Variants in CLCA2 observed in about 807,000 individuals in gnomAD.
The protein encoded by CLCA2 is chloride channel accessory 2, also known as calcium-activated chloride channel regulator 2.
Under a neutral mutation model 82.9 loss-of-function variants are expected in CLCA2, and 85 were observed. The observed-to-expected ratio is 1.03, with a 90% CI of 0.86 to 1.23. The LOEUF (loss-of-function observed/expected upper bound fraction) is 1.23. Among genes scored for constraint, CLCA2 ranks in the 50% most tolerant of loss-of-function variants. CLCA2 has a pLI of 0.00. For synonymous variants in CLCA2, 421 were observed against 391.7 expected (o/e 1.07, Z -0.88); for missense variants, 1,089 against 1,124.8 (o/e 0.97, Z 0.45).
At chr1:86,430,438 G>T (rs1570253138) in intron 3 of CLCA2, among the ~76,000 whole-genome samples, 1 of 152,228 alleles carries the variant, frequency 6.6e-6, no homozygotes, top group Middle Eastern at 3.4e-3. Flanking sequence ...GGTCTGCTTG[G>T]ATAGCTCAGA....
At chr1:86,444,487 G>A (rs924330704) in intron 10 of CLCA2, among the ~76,000 whole-genome samples, 2 of 152,178 alleles carry the variant, frequency 1.3e-5, no homozygotes, top group Non-Finnish European at 2.9e-5. Flanking sequence ...AGGGTGGAAG[G>A]AAGAATGCTT....
intron 9 of CLCA2, 24 bp downstream of exon 9, chr1:86,441,567 T>C (rs748451774): frequency 6.7e-7 from 1 of 1,498,826 alleles, no homozygotes; most frequent in African/African-American, 1.4e-5. Context: ...CAATGTTATA[T>C]TTCCAGGTGG....
At chr1:86,440,043 G>A in intron 7 of CLCA2, 105 bp from the exon 8 acceptor site, 4 of 1,079,706 alleles carry the variant, frequency 3.7e-6, no homozygotes, top group Non-Finnish European at 5.5e-6. Context: ...AGATGGGCGT[G>A]GGGTGTAGGA....
intron 11 of CLCA2, chr1:86,448,339 T>C (rs889387450): frequency 1.3e-5 from 2 of 152,864 alleles, no homozygotes; most frequent in Non-Finnish European, 2.9e-5. Flanking sequence ...CTTTTACGTG[T>C]GTAATTTGGT....
At chr1:86,452,176 C>G (rs865867503) in intron 12 of CLCA2, among the ~76,000 whole-genome samples, 44 of 43,938 alleles carry the variant, frequency 1.0e-3, no homozygotes, top group African/African-American at 3.6e-3. Context: ...AACCTGGAAG[C>G]TTTTTTTTTT....
chr1:86,444,944 G>C (rs993988500), intron 10 of CLCA2, among the ~76,000 whole-genome samples: 1 of 151,548 alleles, frequency 6.6e-6, no homozygotes, highest in African/African-American at 2.4e-5. Context: ...TCACCCAGGC[G>C]GGAGTGCAGT....
chr1:86,441,161 G>T (rs1662726653), intron 8 of CLCA2, among the ~76,000 whole-genome samples: 1 of 152,132 alleles, frequency 6.6e-6, no homozygotes, highest in Admixed American at 6.6e-5. Flanking sequence ...ACCTTAATCT[G>T]AAGACTATTC....
chr1:86,456,064 G>C lies in CLCA2; in HGVS notation c.*537G>C, dbSNP rs1346674963. 6.6e-6 allele frequency: 1 copy of C among 152,118 alleles called. No individual in the cohort carries two copies. The highest frequency in any genetic ancestry group is 1.5e-5 in the Non-Finnish European group (1 of 68,012). The allele number at this position is 152,118 out of a possible 1,614,324, so 9.4% of individuals were successfully genotyped here. On this transcript the variant is annotated 3_prime_UTR_variant, in exon 14 of 14. Coordinates refer to ENST00000370565, the MANE Select transcript of CLCA2 (RefSeq NM_006536.7). ...TGAAATCTCACTGCTAATGCTCAGA[G>C]ATCTTTTTTCACTGTAAGAGGTAAC...
intron 6 of CLCA2, 42 bp from the exon 7 acceptor site, chr1:86,438,834 A>G: frequency 3.2e-6 from 5 of 1,558,376 alleles, no homozygotes; most frequent in Non-Finnish European, 4.4e-6. Flanking sequence ...TTTGTCTACT[A>G]ACCAAATGTT....
At chr1:86,449,834 C>G (rs950349587) in intron 11 of CLCA2, among the ~76,000 whole-genome samples, 1 of 152,150 alleles carries the variant, frequency 6.6e-6, no homozygotes, top group Non-Finnish European at 1.5e-5. Context: ...GCCCTGGGGT[C>G]TAGGCCTTCC....
In CLCA2 at chr1:86,447,783, C is replaced by G. The variant is rs1373067000; in HGVS notation, c.1984+5C>G. On this transcript the variant is annotated splice_donor_5th_base_variant and intron_variant, in intron 11 of 13. Coordinates refer to ENST00000370565, the MANE Select transcript of CLCA2 (RefSeq NM_006536.7). Reference sequence around the variant, plus strand: ...GACTCCTTGATGATGGAGCAGGTAACAAGGAATGTCATGACATTTTATCAT... The same window carrying G: ...GACTCCTTGATGATGGAGCAGGTAAGAAGGAATGTCATGACATTTTATCAT... 11 of 1,608,684 alleles carry G rather than the reference C, an allele frequency of 6.8e-6. No individual in the cohort carries two copies. The highest frequency in any genetic ancestry group is 4.0e-5 in the African/African-American group (3 of 74,876).
In CLCA2 at chr1:86,424,513, C is replaced by T. The variant is rs186237353; in HGVS notation, c.186+80C>T. ...CTTATTTAGAAGCTAACTACCCTGC[C>T]TGGTTTGTATTTGAGTAATACAGAG... On this transcript the variant is annotated intron_variant, in intron 1 of 13. Transcript: ENST00000370565. 519 of 1,255,852 alleles carry T rather than the reference C, an allele frequency of 4.1e-4. 1 individual carries two copies. Among genetic ancestry groups the T allele is most frequent in the South Asian group, 2.2e-3 (145 of 65,458 alleles). 77.8% of individuals were successfully genotyped at this position (1,255,852 alleles called of 1,614,324 possible).
chr1:86,447,581 G>C lies in CLCA2; in HGVS notation c.1787G>C (p.Arg596Pro). The C allele has an allele frequency of 1.2e-6, 2 of 1,613,962 alleles. No individual in the cohort carries two copies. The highest frequency in any genetic ancestry group is 1.7e-6 in the Non-Finnish European group (2 of 1,179,960). The change falls in exon 11 of 14, where the codon CGC (arginine) becomes CCC (proline). Residue 596 changes from arginine to proline, a missense_variant. Coordinates refer to ENST00000370565, the MANE Select transcript of CLCA2 (RefSeq NM_006536.7). ...LQALKVTVTS[R>P]ASNSAVPPAT... is the part of the protein sequence containing the mutation. Reference sequence around the variant, plus strand: ...GCCCTGAAAGTGACAGTGACCTCTCGCGCCTCCAACTCAGCTGTGCCCCCA... The same window carrying C: ...GCCCTGAAAGTGACAGTGACCTCTCCCGCCTCCAACTCAGCTGTGCCCCCA...
intron 3 of CLCA2, 51 bp from the exon 4 acceptor site, chr1:86,430,811 C>A: frequency 1.5e-6 from 2 of 1,328,934 alleles, no homozygotes; most frequent in South Asian, 2.4e-5. Context: ...GTTAGCAAGG[C>A]ACATTGCTGA....
intron 1 of CLCA2, among the ~76,000 whole-genome samples, chr1:86,424,859 G>C (rs945813564): frequency 6.6e-6 from 1 of 152,188 alleles, no homozygotes; most frequent in African/African-American, 2.4e-5. Flanking sequence ...GAAAGGGTGA[G>C]AGTCTGCACG....
rs550558075 is a variant in CLCA2, at chr1:86,450,001, C to G, written c.1985-562C>G. Among the ~76,000 whole-genome samples, 210 of 152,222 alleles carry G rather than the reference C, an allele frequency of 1.4e-3. 1 individual carries two copies. The highest frequency in any genetic ancestry group is 6.8e-3 in the Middle Eastern group (2 of 294). On this transcript the variant is annotated intron_variant, in intron 11 of 13. Coordinates refer to ENST00000370565, the MANE Select transcript of CLCA2 (RefSeq NM_006536.7). Reference sequence around the variant, plus strand: ...CTGTCAAACTCCAGGTCATCAAGTCCCCTAGAATCTAGAAAAACAGTTCCA... The same window carrying G: ...CTGTCAAACTCCAGGTCATCAAGTCGCCTAGAATCTAGAAAAACAGTTCCA...
rs772635180 is a variant in CLCA2, at chr1:86,438,973, A to G, written c.1070A>G (p.Lys357Arg). Residue 357 changes from lysine to arginine, a missense_variant, in exon 7 of 14, where the codon AAA becomes AGA. Coordinates refer to ENST00000370565, the MANE Select transcript of CLCA2 (RefSeq NM_006536.7). ...GTGGGCATTGCCAGTTTCGACAGCA[A>G]AGGAGAGATCAGAGCCCAGCTACAC... The part of the protein sequence containing the change: ...TFVGIASFDS[K>R]GEIRAQLHQI... The G allele has an allele frequency of 1.5e-5, 24 of 1,614,016 alleles. No homozygotes were observed. The South Asian group carries it at 2.4e-4, about 16-fold the overall frequency.
intron 6 of CLCA2, among the ~76,000 whole-genome samples, chr1:86,437,992 C>T (rs2101699558): frequency 6.6e-6 from 1 of 152,266 alleles, no homozygotes. Context: ...AACTTACTTC[C>T]CAATATTGTA....
In CLCA2 at chr1:86,440,210, T is replaced by C; in HGVS notation, c.1266T>C (p.Asp422=). Residue 422 remains aspartate (D), a synonymous_variant, in exon 8 of 14, where the codon GAT becomes GAC. Transcript: ENST00000370565. Reference sequence around the variant, plus strand: ...TGATGATATTAGTGACCAGCGGAGATGATAAGCTTCTTGGCAATTGCTTAC... The same window carrying C: ...TGATGATATTAGTGACCAGCGGAGACGATAAGCTTCTTGGCAATTGCTTAC... ...GSVMILVTSG[D]DKLLGNCLPT... 6.2e-7 allele frequency: 1 copy of C among 1,614,162 alleles called. No individual in the cohort carries two copies. The highest frequency in any genetic ancestry group is 8.5e-7 in the Non-Finnish European group (1 of 1,180,008).
Sources: gnomAD v4.1 joint callset for allele counts (sites outside exome capture counted in the v4.1 genomes callset) on GRCh38, gnomAD v4.1.1 for gene constraint, MANE v1.5 for transcripts, NCBI Gene and HGNC (gene_info 2026-07-23, HGNC 2026-07-21) for gene names.